RPN2: variants seen among roughly 807,000 people sequenced by gnomAD.
The protein encoded by RPN2 is dolichyl-diphosphooligosaccharide--protein glycosyltransferase subunit 2.
RPN2 carries 29 observed loss-of-function variants against 71.4 expected under a neutral mutation model. The observed-to-expected ratio is 0.41, with a 90% CI of 0.30 to 0.55. RPN2 has a LOEUF of 0.55. Ranked by LOEUF, RPN2 falls within the 20% of genes least tolerant of loss-of-function variation. The pLI is 0.35. For synonymous variants in RPN2, 308 were observed against 305.0 expected (o/e 1.01, Z -0.10); for missense variants, 726 against 774.1 (o/e 0.94, Z 0.74).
chr20:37,199,365 C>T, intron 4 of RPN2, 140 bp downstream of exon 4: 1 of 1,056,532 alleles, frequency 9.5e-7, no homozygotes, highest in East Asian at 2.6e-5. Context: ...CTCTGCAAGG[C>T]ACCGCAGACA....
intron 15 of RPN2, among the ~76,000 whole-genome samples, chr20:37,236,195 C>G (rs1217773107): frequency 2.6e-5 from 4 of 152,112 alleles, no homozygotes; most frequent in African/African-American, 4.8e-5. Context: ...CAGGCTCAAG[C>G]GATCTTCCTA....
chr20:37,203,987 C>A, intron 5 of RPN2, 27 bp downstream of exon 5: 1 of 1,530,930 alleles, frequency 6.5e-7, no homozygotes, highest in Non-Finnish European at 9.1e-7. Flanking sequence ...AAATGCATCT[C>A]CCAGCTCCTG....
In RPN2 at chr20:37,207,252, T is replaced by C. The variant is rs2067533375; in HGVS notation, c.691-21T>C. 3.1e-6 allele frequency: 5 copies of C among 1,604,018 alleles called. No individual in the cohort carries two copies. The African/African-American group carries it at 5.4e-5, about 17-fold the overall frequency. The stretch of plus-strand genomic sequence containing the variant: ...TTCCCAGCAGAGGAAGAGAAACAGC[T>C]GCATTTCGCATTTCTTTCAGGATCA... On this transcript the variant is annotated intron_variant, in intron 6 of 16. Transcript: ENST00000237530.
intron 14 of RPN2, among the ~76,000 whole-genome samples, chr20:37,233,559 T>C (rs2068306248): frequency 6.6e-6 from 1 of 152,218 alleles, no homozygotes. Context: ...ACCTAGGGTA[T>C]GGGCACCTGT....
chr20:37,199,078 T>C lies in RPN2; in HGVS notation c.332T>C (p.Leu111Pro), dbSNP rs1464385412. 1.9e-6 allele frequency: 3 copies of C among 1,613,890 alleles called. No homozygotes were observed. The South Asian group carries it at 3.3e-5, about 18-fold the overall frequency. Reference protein sequence around the residue: ...EISISNETKDLLLAAVSEDSS... With the variant: ...EISISNETKDPLLAAVSEDSS... ...TCTATTTCAAATGAGACCAAAGATC[T>C]GCTTCTGGCAGCTGTCAGTGAGGAC... is the stretch of plus-strand genomic sequence containing the variant. The change falls in exon 4 of 17, where the codon CTG (leucine) becomes CCG (proline). Residue 111 changes from leucine (L) to proline (P), a missense_variant. Coordinates refer to ENST00000237530, the MANE Select transcript of RPN2 (RefSeq NM_002951.5).
chr20:37,228,246 G>T (rs965377972), intron 11 of RPN2, among the ~76,000 whole-genome samples: 1 of 152,196 alleles, frequency 6.6e-6, no homozygotes, highest in African/African-American at 2.4e-5. Context: ...GCGGGAAAAA[G>T]AAATTGCAGC....
Position 37,204,910 on chromosome 20 carries a change from C to T in RPN2, c.690+9C>T, listed in dbSNP as rs2067477957. The stretch of plus-strand genomic sequence containing the variant: ...AGCCATCCATTAAGGAGGTACCTAT[C>T]TAACAATTTTCAGGCATGAAACCCA... On this transcript the variant is annotated intron_variant, in intron 6 of 16. Transcript: ENST00000237530. 4.3e-6 allele frequency: 7 copies of T among 1,614,142 alleles called. No individual in the cohort carries two copies. The highest frequency in any genetic ancestry group is 5.9e-6 in the Non-Finnish European group (7 of 1,180,030).
At chr20:37,200,159 A>G (rs947973542) in intron 4 of RPN2, among the ~76,000 whole-genome samples, 2 of 151,902 alleles carry the variant, frequency 1.3e-5, no homozygotes, top group Admixed American at 6.6e-5. Flanking sequence ...CGCCTGGCCA[A>G]TTTTTGTATT....
At chr20:37,217,769 C>T (rs1451456400) in intron 9 of RPN2, among the ~76,000 whole-genome samples, 1 of 150,232 alleles carries the variant, frequency 6.7e-6, no homozygotes, top group African/African-American at 2.5e-5. Flanking sequence ...TTGCTGTCAC[C>T]CAGGCTGGAG....
chr20:37,226,865 A>G (rs1641964330), intron 11 of RPN2, among the ~76,000 whole-genome samples: 1 of 152,170 alleles, frequency 6.6e-6, no homozygotes, highest in South Asian at 2.1e-4. Context: ...AGATTCAGAT[A>G]AATACTTTGA....
chr20:37,180,944 T>C (rs1484803127), intron 1 of RPN2, among the ~76,000 whole-genome samples: 2 of 151,970 alleles, frequency 1.3e-5, no homozygotes, highest in Non-Finnish European at 2.9e-5. Context: ...TTTCCAGTGG[T>C]CTCCAGCCGG....
chr20:37,230,430 C>T (rs1397192319), intron 13 of RPN2, among the ~76,000 whole-genome samples: 2 of 152,192 alleles, frequency 1.3e-5, no homozygotes, highest in Non-Finnish European at 2.9e-5. Context: ...GAAAACTCAC[C>T]TGGGAGAACA....
chr20:37,179,499 G>C (rs1050507778), intron 1 of RPN2, 130 bp downstream of exon 1: 1 of 1,401,240 alleles, frequency 7.1e-7, no homozygotes, highest in Non-Finnish European at 9.3e-7. Context: ...GCTCTGGCTG[G>C]GGCGCTCTCG....
At chr20:37,193,317 G>T (rs1225906694) in intron 2 of RPN2, among the ~76,000 whole-genome samples, 2 of 152,194 alleles carry the variant, frequency 1.3e-5, no homozygotes, top group African/African-American at 4.8e-5. Context: ...ATTCTAAAGG[G>T]AGAGGAGGAG....
Position 37,234,053 on chromosome 20 carries a change from A to G in RPN2, c.1711A>G (p.Thr571Ala). 2 of 1,614,114 alleles carry G rather than the reference A, an allele frequency of 1.2e-6. No homozygotes were observed. Among genetic ancestry groups the G allele is most frequent in the South Asian group, 2.2e-5 (2 of 91,082 alleles). The change falls in exon 15 of 17, where the codon ACT becomes GCT. Residue 571 changes from threonine to alanine, a missense_variant. Thr to Ala is a moderately conservative substitution (Grantham distance 58, BLOSUM62 0). Coordinates refer to ENST00000237530, the MANE Select transcript of RPN2 (RefSeq NM_002951.5). ...GATTGGTGCCAATGTCTCCAACTTC[A>G]CTTTTGCTCCTAGCACGATTATATT... is the stretch of plus-strand genomic sequence containing the variant. ...IRIGANVSNFTFAPSTIIFHL... is the reference protein window; with the variant it reads ...IRIGANVSNFAFAPSTIIFHL...
chr20:37,235,096 C>G (rs2068350641), intron 15 of RPN2, among the ~76,000 whole-genome samples: 1 of 152,080 alleles, frequency 6.6e-6, no homozygotes, highest in Non-Finnish European at 1.5e-5. Context: ...AGGCAAATGT[C>G]TGTATTTTTC....
At chr20:37,232,513 G>C in intron 14 of RPN2, 122 bp downstream of exon 14, 1 of 1,177,492 alleles carries the variant, frequency 8.5e-7, no homozygotes, top group Non-Finnish European at 1.3e-6. Flanking sequence ...CAGCAGCTGT[G>C]ACCTGAATTG....
At chr20:37,234,152 C>T (rs374488515) in intron 15 of RPN2, 57 bp downstream of exon 15, 32 of 1,553,248 alleles carry the variant, frequency 2.1e-5, no homozygotes, top group Admixed American at 3.5e-5. Context: ...AGCCTGCCCA[C>T]GCAAAAGCCC....
chr20:37,190,135 G>C (rs969882102), intron 2 of RPN2, among the ~76,000 whole-genome samples: 3 of 152,178 alleles, frequency 2.0e-5, no homozygotes, highest in Non-Finnish European at 2.9e-5. Flanking sequence ...AGGGGGTCAC[G>C]GAGGAATGAG....
Sources: allele counts gnomAD v4.1 joint callset (sites outside exome capture counted in the v4.1 genomes callset), GRCh38; gene constraint gnomAD v4.1.1; transcripts MANE v1.5; gene names NCBI Gene and HGNC (gene_info 2026-07-23, HGNC 2026-07-21).